SVBP: variants seen among roughly 807,000 people sequenced by gnomAD.
SVBP encodes small vasohibin-binding protein.
Under a neutral mutation model 9.2 loss-of-function variants are expected in SVBP, and 9 were observed. The observed-to-expected ratio is 0.98, with a 90% CI of 0.59 to 1.71. The LOEUF (loss-of-function observed/expected upper bound fraction) is 1.71. Among genes scored for constraint, SVBP ranks in the 40% most tolerant of loss-of-function variants. SVBP has a pLI of 0.00. For missense variants in SVBP, 63 were observed against 73.2 expected (o/e 0.86, Z 0.51); for synonymous variants, 27 against 23.9 (o/e 1.13, Z -0.37).
At chr1:42,813,010 CTA>C (rs1395247527) in intron 2 of SVBP, among the ~76,000 whole-genome samples, 1 of 152,090 alleles carries the variant, frequency 6.6e-6, no homozygotes, top group Admixed American at 6.5e-5. Flanking sequence ...TAAGACCAAA[CTA>C]TGTGAAAAAA....
At chr1:42,811,413 T>A (rs948896420) in intron 2 of SVBP, among the ~76,000 whole-genome samples, 1 of 152,230 alleles carries the variant, frequency 6.6e-6, no homozygotes, top group African/African-American at 2.4e-5. Flanking sequence ...TACATGTGGC[T>A]ATGCATGTGT....
intron 2 of SVBP, among the ~76,000 whole-genome samples, chr1:42,814,730 G>C (rs1654162020): frequency 6.6e-6 from 1 of 152,192 alleles, no homozygotes; most frequent in Non-Finnish European, 1.5e-5. Context: ...AGGTGCTGGA[G>C]AGGATGTGGA....
chr1:42,808,564 A>G (rs1654016547), intron 2 of SVBP, among the ~76,000 whole-genome samples: 1 of 146,898 alleles, frequency 6.8e-6, no homozygotes, highest in Non-Finnish European at 1.5e-5. Context: ...TACTATTAAT[A>G]GTATATATAC....
At chr1:42,815,804 A>G (rs1167640372) in intron 2 of SVBP, among the ~76,000 whole-genome samples, 1 of 152,234 alleles carries the variant, frequency 6.6e-6, no homozygotes, top group African/African-American at 2.4e-5. Context: ...AAAAGTATAA[A>G]AAAAAGTAGT....
Sources: allele counts gnomAD v4.1 joint callset (sites outside exome capture counted in the v4.1 genomes callset), GRCh38; gene constraint gnomAD v4.1.1; transcripts MANE v1.5; gene names NCBI Gene and HGNC (gene_info 2026-07-23, HGNC 2026-07-21).